The following MINDY4 variants were observed in gnomAD, a reference collection of about 807,000 sequenced individuals.
MINDY4 encodes the protein MINDY lysine 48 deubiquitinase 4.
In MINDY4, 68 loss-of-function variants were observed where a neutral mutation model predicts 87.0. The ratio of observed to expected loss-of-function variants is 0.78; its 90% CI spans 0.64 to 0.96. The LOEUF (loss-of-function observed/expected upper bound fraction) is 0.96, where lower values mean the gene tolerates loss of function less well. MINDY4 is among the 40% of genes least tolerant of loss of function. MINDY4 has a pLI of 0.00. For synonymous variants in MINDY4, 379 were observed against 363.2 expected (o/e 1.04, Z -0.50); for missense variants, 919 against 928.2 (o/e 0.99, Z 0.13).
intron 11 of MINDY4, 26 bp downstream of exon 11, chr7:30,852,305 G>T (rs767342789): frequency 4.3e-6 from 7 of 1,613,574 alleles, no homozygotes; most frequent in African/African-American, 2.7e-5. Context: ...AAATTATCAC[G>T]CAAACTTTGG....
intron 6 of MINDY4, among the ~76,000 whole-genome samples, chr7:30,832,999 C>G (rs2128564197): frequency 6.6e-6 from 1 of 152,266 alleles, no homozygotes; most frequent in South Asian, 2.1e-4. Flanking sequence ...TTGTATGCAT[C>G]ATTTTTACTT....
Position 30,778,476 on chromosome 7 carries a change from C to T in MINDY4, c.108C>T (p.Arg36=). The change falls in exon 2 of 18, where the codon CGC becomes CGT. Residue 36 remains arginine, a synonymous_variant. Coordinates refer to ENST00000265299, the MANE Select transcript of MINDY4 (RefSeq NM_032222.3). ...TGACCATGGACCAGGAACGCCCACG[C>T]TCTGACCTCAGCATAAACAACAGAA... is the stretch of plus-strand genomic sequence containing the variant. The part of the protein sequence containing the change: ...TCVTMDQERP[R]SDLSINNRND... 1 of 1,614,196 alleles carries T rather than the reference C, an allele frequency of 6.2e-7. No homozygotes were observed. Among genetic ancestry groups the T allele is most frequent in the Non-Finnish European group, 8.5e-7 (1 of 1,179,992 alleles).
At chr7:30,795,946 C>T (rs1787473727) in intron 5 of MINDY4, among the ~76,000 whole-genome samples, 1 of 152,158 alleles carries the variant, frequency 6.6e-6, no homozygotes, top group Admixed American at 6.5e-5. Flanking sequence ...CCAGAACACT[C>T]AGCATATCTC....
At chr7:30,842,452 C>T (rs1022084556) in intron 9 of MINDY4, among the ~76,000 whole-genome samples, 1 of 152,198 alleles carries the variant, frequency 6.6e-6, no homozygotes, top group Non-Finnish European at 1.5e-5. Flanking sequence ...AAGTAAGAAC[C>T]GCTGGCTGCC....
rs945414504 is a variant in MINDY4, at chr7:30,875,754, A to G, written c.1971+98A>G. On this transcript the variant is annotated intron_variant, in intron 15 of 17. Transcript: ENST00000265299. ...AGGAAAGCTGGACTCCACTTCTCAG[A>G]GCTGGCTGAAATTCGGGTCCAGTTA... 2.2e-6 allele frequency: 3 copies of G among 1,370,222 alleles called. No individual in the cohort carries two copies. The African/African-American group carries it at 4.4e-5, about 20-fold the overall frequency. 84.9% of individuals were successfully genotyped at this position (1,370,222 alleles called of 1,614,324 possible).
rs149041081 is a variant in MINDY4 at position 30,802,516 on chromosome 7, T to C, written c.1073+10942T>C. Among the ~76,000 whole-genome samples, 127 of 152,234 alleles carry C rather than the reference T, an allele frequency of 8.3e-4. 2 individuals are homozygous for C. Among genetic ancestry groups the C allele is most frequent in the African/African-American group, 2.9e-3 (121 of 41,524 alleles). ...CTTTTTGAGGCCTGGAATGGGGCCT[T>C]ATTTCTCTGTCTTTACTCAGCCATG... On this transcript the variant is annotated intron_variant, in intron 5 of 17. Transcript: ENST00000265299.
chr7:30,828,623 C>A, intron 5 of MINDY4, 56 bp from the exon 6 acceptor site: 1 of 1,561,232 alleles, frequency 6.4e-7, no homozygotes, highest in Non-Finnish European at 8.8e-7. Flanking sequence ...GTCTTCTCTG[C>A]CGTTTACATT....
At chr7:30,789,392 C>T (rs887117978) in intron 4 of MINDY4, among the ~76,000 whole-genome samples, 2 of 152,200 alleles carry the variant, frequency 1.3e-5, no homozygotes, top group African/African-American at 4.8e-5. Context: ...AGAATTTCGC[C>T]AGATTCTCTA....
chr7:30,864,150 C>A (rs1307073912), intron 13 of MINDY4, among the ~76,000 whole-genome samples: 2 of 152,210 alleles, frequency 1.3e-5, no homozygotes, highest in Non-Finnish European at 2.9e-5. Context: ...TCTTGAAAGT[C>A]CGGAAGAGGT....
intron 10 of MINDY4, 126 bp downstream of exon 10, chr7:30,850,681 G>T (rs1789388231): frequency 4.9e-6 from 4 of 823,132 alleles, no homozygotes; most frequent in East Asian, 2.7e-5. Flanking sequence ...GCTGGGATGA[G>T]CCCTGCAAGC....
Position 30,782,049 on chromosome 7 carries a change from G to C in MINDY4, c.256G>C (p.Ala86Pro). 2 of 1,613,958 alleles carry C rather than the reference G, an allele frequency of 1.2e-6. No individual in the cohort carries two copies. Among genetic ancestry groups the C allele is most frequent in the South Asian group, 1.1e-5 (1 of 91,064 alleles). ...CTTTCTGGATCACTTTGGAAATACG[G>C]CTAACAATTTCACTCAAGATACCCC... is the stretch of plus-strand genomic sequence containing the variant. ...RYFLDHFGNT[A>P]NNFTQDTPIP... The change falls in exon 3 of 18, where the codon GCT (alanine) becomes CCT (proline). Residue 86 changes from alanine (A) to proline (P), a missense_variant. Physicochemically the swap from Ala to Pro is conservative, Grantham distance 27. Transcript: ENST00000265299.
intron 5 of MINDY4, among the ~76,000 whole-genome samples, chr7:30,796,003 C>A (rs181021542): frequency 6.6e-6 from 1 of 152,172 alleles, no homozygotes; most frequent in African/African-American, 2.4e-5. Context: ...ACCTTAATCC[C>A]CCCTTGCCAT....
intron 1 of MINDY4, 55 bp from the exon 2 acceptor site, chr7:30,778,377 G>T: frequency 1.2e-6 from 2 of 1,612,310 alleles, no homozygotes; most frequent in South Asian, 2.2e-5. Context: ...TGCTTTATGA[G>T]AACAGCGGGT....
At position 30,773,854 on chromosome 7, in the gene MINDY4, C is replaced by T. The variant is rs920259378; in HGVS notation, c.63+2298C>T. Among the ~76,000 whole-genome samples the T allele has an allele frequency of 3.3e-5, 5 of 152,172 alleles. No individual in the cohort carries two copies. In the South Asian group the frequency reaches 1.0e-3, roughly 32 times the overall value. On this transcript the variant is annotated intron_variant, in intron 1 of 17. Transcript: ENST00000265299. ...TTGCATTGTTCCTGCCAACTTTTCA[C>T]AGTCCCTCGGGCCTACCATAACCCA...
At chr7:30,870,651 G>T (rs894332548) in intron 13 of MINDY4, among the ~76,000 whole-genome samples, 2 of 152,226 alleles carry the variant, frequency 1.3e-5, no homozygotes, top group African/African-American at 4.8e-5. Flanking sequence ...AGCTGGAATT[G>T]CTAAACTTGT....
chr7:30,830,304 T>C (rs1290083563), intron 6 of MINDY4, among the ~76,000 whole-genome samples: 2 of 152,190 alleles, frequency 1.3e-5, no homozygotes, highest in Non-Finnish European at 2.9e-5. Flanking sequence ...GAGAGGTATC[T>C]TCCCATAGCA....
At chr7:30,861,361 G>A (rs374457376) in intron 13 of MINDY4, among the ~76,000 whole-genome samples, 1 of 152,220 alleles carries the variant, frequency 6.6e-6, no homozygotes, top group East Asian at 1.9e-4. Flanking sequence ...TGAACGCATC[G>A]AGTCCACAGC....
intron 17 of MINDY4, among the ~76,000 whole-genome samples, chr7:30,885,188 C>G (rs918265692): frequency 1.3e-5 from 2 of 152,210 alleles, no homozygotes; most frequent in South Asian, 4.1e-4. Flanking sequence ...AAAGTTTGCT[C>G]CAGAGCAGTG....
At chr7:30,814,000 C>G (rs777174381) in intron 5 of MINDY4, among the ~76,000 whole-genome samples, 20 of 152,142 alleles carry the variant, frequency 1.3e-4, no homozygotes, top group Non-Finnish European at 1.2e-4. Context: ...GAGAATCAGT[C>G]TCTGTGCCCA....
Sources: allele counts gnomAD v4.1 joint callset (sites outside exome capture counted in the v4.1 genomes callset), GRCh38; gene constraint gnomAD v4.1.1; transcripts MANE v1.5; gene names NCBI Gene and HGNC (gene_info 2026-07-23, HGNC 2026-07-21).